LZTS1: variants seen among roughly 807,000 people sequenced by gnomAD.
LZTS1 encodes leucine zipper putative tumor suppressor 1.
Under a neutral mutation model 45.8 loss-of-function variants are expected in LZTS1, and 31 were observed. The ratio of observed to expected loss-of-function variants is 0.68; its 90% CI spans 0.51 to 0.91. The LOEUF (loss-of-function observed/expected upper bound fraction) is 0.91. Among genes scored for constraint, LZTS1 ranks in the 40% least tolerant of loss-of-function variants. LZTS1 has a pLI of 0.00. For missense variants in LZTS1, 821 were observed against 788.9 expected (o/e 1.04, Z -0.49); for synonymous variants, 359 against 357.3 (o/e 1.00, Z -0.05).
intron 1 of LZTS1, among the ~76,000 whole-genome samples, chr8:20,291,711 C>A (rs1411372444): frequency 3.8e-5 from 5 of 133,226 alleles, no homozygotes; most frequent in African/African-American, 1.2e-4. Flanking sequence ...GCACCAATTA[C>A]CTATTTGTAA....
chr8:20,281,338 T>G (rs1202910463), intron 1 of LZTS1, among the ~76,000 whole-genome samples: 1 of 149,700 alleles, frequency 6.7e-6, no homozygotes, highest in African/African-American at 2.5e-5. Context: ...GGTGGGCAGA[T>G]CACCTGAGGT....
Position 20,253,531 on chromosome 8 carries a change from A to G in LZTS1, c.400T>C (p.Ser134Pro). 1.3e-6 allele frequency: 2 copies of G among 1,532,568 alleles called. No homozygotes were observed. Among genetic ancestry groups the G allele is most frequent in the Non-Finnish European group, 1.8e-6 (2 of 1,141,446 alleles). The allele number at this position is 1,532,568 out of a possible 1,614,324, so 94.9% of individuals were successfully genotyped here. The stretch of plus-strand genomic sequence containing the variant: ...GGGGAGGAGTGCAGGATGGCTCCTG[A>G]CCGTGGCAGCACAGGCTTGAAGGCT... ...PTAFKPVLPR[S>P]GAILHSSPES... Residue 134 changes from serine (S) to proline (P), a missense_variant, in exon 3 of 4, where the codon TCA becomes CCA. Transcript: ENST00000381569.
intron 1 of LZTS1, among the ~76,000 whole-genome samples, chr8:20,297,163 C>T (rs950582536): frequency 1.3e-5 from 2 of 152,110 alleles, no homozygotes; most frequent in East Asian, 1.9e-4. Context: ...TAGTTCAGAA[C>T]GTACTTGCTC....
chr8:20,285,107 C>T (rs531504864), intron 1 of LZTS1, among the ~76,000 whole-genome samples: 1 of 152,352 alleles, frequency 6.6e-6, no homozygotes, highest in South Asian at 2.1e-4. Context: ...AAGGGCTTTA[C>T]AAACTCTAAA....
chr8:20,251,098 A>AATACATATATATAT (rs1367635822), intron 3 of LZTS1, among the ~76,000 whole-genome samples: 22 of 41,396 alleles, frequency 5.3e-4, no homozygotes, highest in African/African-American at 1.5e-3. Context: ...CCTGAGGGCT[A>AATACATATATATAT]ATATATATAT....
intron 1 of LZTS1, among the ~76,000 whole-genome samples, chr8:20,278,961 T>G (rs995721319): frequency 2.6e-5 from 4 of 152,212 alleles, no homozygotes; most frequent in Admixed American, 6.5e-5. Context: ...ATTGCCAGTT[T>G]TATTTGTCCT....
chr8:20,278,592 T>G (rs1307084128), intron 1 of LZTS1, among the ~76,000 whole-genome samples: 1 of 152,208 alleles, frequency 6.6e-6, no homozygotes, highest in Non-Finnish European at 1.5e-5. Flanking sequence ...GCTCTAAAAC[T>G]TGCCTCAGTT....
rs939378390 is a variant in LZTS1 at position 20,247,218 on chromosome 8, T to C, written c.*2504A>G. ...GGAGAAGGCTGCACTCCTCTGTGTA[T>C]GGAAGGTACCGGGACACCATGGCGG... On this transcript the variant is annotated 3_prime_UTR_variant, in exon 4 of 4. Transcript: ENST00000381569. 2.0e-5 allele frequency: 3 copies of C among 152,424 alleles called. No individual in the cohort carries two copies. The highest frequency in any genetic ancestry group is 7.2e-5 in the African/African-American group (3 of 41,444). The allele number at this position is 152,424 out of a possible 1,614,324, so 9.4% of individuals were successfully genotyped here.
chr8:20,285,660 C>G (rs909884531), intron 1 of LZTS1, among the ~76,000 whole-genome samples: 4 of 152,148 alleles, frequency 2.6e-5, no homozygotes, highest in Non-Finnish European at 5.9e-5. Flanking sequence ...GCACATTGAC[C>G]TAGTGACAAT....
At chr8:20,256,060 C>CAAAAAAAAAAAAAAAAAAAAAA (rs386412254) in intron 1 of LZTS1, among the ~76,000 whole-genome samples, 3 of 56,456 alleles carry the variant, frequency 5.3e-5, no homozygotes, top group East Asian at 6.1e-4. Context: ...GGGCCTGACT[C>CAAAAAAAAAAAAAAAAAAAAAA]AAAAAAAAAA....
intron 1 of LZTS1, among the ~76,000 whole-genome samples, chr8:20,267,811 G>A (rs558896662): frequency 6.6e-5 from 10 of 152,130 alleles, no homozygotes; most frequent in African/African-American, 1.4e-4. Flanking sequence ...CACTGCGCCC[G>A]GCCCAGACCT....
At chr8:20,259,336 G>A (rs1800176434) in intron 1 of LZTS1, among the ~76,000 whole-genome samples, 2 of 152,226 alleles carry the variant, frequency 1.3e-5, no homozygotes, top group Admixed American at 1.3e-4. Flanking sequence ...TGCACGATAT[G>A]TGTTGCCTTC....
intron 1 of LZTS1, among the ~76,000 whole-genome samples, chr8:20,256,278 A>G (rs1395330575): frequency 1.3e-5 from 2 of 152,140 alleles, no homozygotes; most frequent in Non-Finnish European, 2.9e-5. Context: ...ACCAGGAGCC[A>G]GCAGACATCA....
Position 20,250,056 on chromosome 8 carries a change from C to T in LZTS1, c.1457G>A (p.Arg486His), listed in dbSNP as rs759562008. 15 of 1,607,624 alleles carry T rather than the reference C, an allele frequency of 9.3e-6. No individual in the cohort carries two copies. Among genetic ancestry groups the T allele is most frequent in the African/African-American group, 4.0e-5 (3 of 74,858 alleles). The change falls in exon 4 of 4, where the codon CGC (arginine) becomes CAC (histidine). Residue 486 changes from arginine (R) to histidine (H), a missense_variant. By Grantham distance (29) the Arg-to-His change is conservative. Coordinates refer to ENST00000381569, the MANE Select transcript of LZTS1 (RefSeq NM_021020.5). ...QELRAQAALA[R>H]DMGPPTFPED... is the part of the protein sequence containing the mutation. ...GGGGAAGGTGGGCGGCCCCATGTCG[C>T]GGGCCAGGGCGGCCTGGGCCCGCAG... is the stretch of plus-strand genomic sequence containing the variant.
At position 20,303,779 on chromosome 8, in the gene LZTS1, T is replaced by C. The variant is rs1191174766; in HGVS notation, c.-174A>G. 1.0e-6 allele frequency: 1 copy of C among 984,406 alleles called. No homozygotes were observed. Among genetic ancestry groups the C allele is most frequent in the Non-Finnish European group, 1.2e-6 (1 of 829,954 alleles). The allele number at this position is 984,406 out of a possible 1,614,324, so 61.0% of individuals were successfully genotyped here. A position where few individuals can be genotyped will look rare whatever the true frequency, so the allele number is the denominator to read the frequency against. On this transcript the variant is annotated 5_prime_UTR_variant, in exon 1 of 4. Transcript: ENST00000381569. The stretch of plus-strand genomic sequence containing the variant: ...TCGGGCGCACTTGAGACTTTTTTTT[T>C]TTCCCAGTGTTTCCCGGTGTGTTCC...
intron 1 of LZTS1, among the ~76,000 whole-genome samples, chr8:20,284,052 G>C (rs1345154611): frequency 2.0e-5 from 3 of 152,158 alleles, no homozygotes; most frequent in East Asian, 3.9e-4. Context: ...TGGAGGTCAG[G>C]CATCCTGGAC....
intron 1 of LZTS1, among the ~76,000 whole-genome samples, chr8:20,278,283 C>T (rs1288604612): frequency 2.0e-5 from 3 of 152,254 alleles, no homozygotes; most frequent in East Asian, 1.9e-4. Flanking sequence ...CCTCTAGGAA[C>T]GAGACAGGTA....
At chr8:20,296,209 C>T (rs892228696) in intron 1 of LZTS1, among the ~76,000 whole-genome samples, 3 of 152,334 alleles carry the variant, frequency 2.0e-5, no homozygotes, top group East Asian at 1.9e-4. Context: ...GCCAAGTGCA[C>T]AGCCCTGCCC....
chr8:20,252,143 TCTCCAGCA>T (rs539027582), intron 3 of LZTS1, among the ~76,000 whole-genome samples: 90 of 152,262 alleles, frequency 5.9e-4, no homozygotes, highest in African/African-American at 2.0e-3. Context: ...GTTATGGGGT[TCTCCAGCA>T]CGGTCAGGTA....
Sources: allele counts gnomAD v4.1 joint callset (sites outside exome capture counted in the v4.1 genomes callset), GRCh38; gene constraint gnomAD v4.1.1; transcripts MANE v1.5; gene names NCBI Gene and HGNC (gene_info 2026-07-23, HGNC 2026-07-21).